TRMT11: variants seen among roughly 807,000 people sequenced by gnomAD.
TRMT11 encodes tRNA methyltransferase 11.
Under a neutral mutation model 62.8 loss-of-function variants are expected in TRMT11, and 53 were observed. The observed-to-expected ratio is 0.84, with a 90% confidence interval of 0.68 to 1.06. The LOEUF is 1.06. Among genes scored for constraint, TRMT11 ranks in the 50% least tolerant of loss-of-function variants. The probability of loss-of-function intolerance (pLI) is 0.00; values close to 1 mark genes in which losing one functional copy is unlikely to be tolerated. For missense variants in TRMT11, 556 were observed against 553.4 expected (o/e 1.00, Z -0.05); for synonymous variants, 188 against 190.3 (o/e 0.99, Z 0.10).
intron 21 of TRMT11, among the ~76,000 whole-genome samples, chr6:126,146,690 G>A (rs1417979305): frequency 1.3e-5 from 2 of 151,980 alleles, no homozygotes; most frequent in Non-Finnish European, 2.9e-5. Context: ...CTAATTTCTT[G>A]TATTTTTAGT....
At chr6:126,258,686 T>C in the TRMT11 span, among the ~76,000 whole-genome samples, 1 of 152,244 alleles carries the variant, frequency 6.6e-6, no homozygotes, top group Non-Finnish European at 1.5e-5. Context: ...AATAATTCCT[T>C]ATGTGTCTTT....
intron 17 of TRMT11, among the ~76,000 whole-genome samples, chr6:126,055,308 A>G (rs1282262014): frequency 3.3e-5 from 5 of 152,172 alleles, no homozygotes; most frequent in Non-Finnish European, 7.3e-5. Flanking sequence ...GATGAGAGGA[A>G]GGACAGCATG....
intron 17 of TRMT11, among the ~76,000 whole-genome samples, chr6:126,089,724 G>C (rs541082093): frequency 7.2e-5 from 11 of 152,320 alleles, no homozygotes; most frequent in African/African-American, 2.6e-4. Context: ...CTTAATTTAA[G>C]TTCAACTGTA....
chr6:126,117,423 T>C (rs924933866), intron 21 of TRMT11, among the ~76,000 whole-genome samples: 1 of 152,108 alleles, frequency 6.6e-6, no homozygotes. Context: ...TCTCTCTGTG[T>C]GTCAGAAAGA....
At chr6:126,186,706 T>A (rs191222627) in intron 1 of TRMT11, among the ~76,000 whole-genome samples, 13 of 152,198 alleles carry the variant, frequency 8.5e-5, no homozygotes, top group Admixed American at 2.6e-4. Flanking sequence ...TCCGCATAGA[T>A]CTTTGTAATG....
intron 21 of TRMT11, among the ~76,000 whole-genome samples, chr6:126,124,956 C>G (rs917205549): frequency 2.3e-4 from 35 of 152,160 alleles, no homozygotes; most frequent in African/African-American, 7.7e-4. Flanking sequence ...TTTGCCCAGA[C>G]TGGGGAGAAG....
intron 21 of TRMT11, among the ~76,000 whole-genome samples, chr6:126,169,425 A>G (rs759870494): frequency 8.5e-5 from 13 of 152,338 alleles, no homozygotes; most frequent in Non-Finnish European, 1.6e-4. Context: ...TTGGGCAACA[A>G]TGGTGCTTAG....
chr6:126,023,109 A>T (rs2127997716), intron 12 of TRMT11, among the ~76,000 whole-genome samples: 1 of 152,324 alleles, frequency 6.6e-6, no homozygotes, highest in Admixed American at 6.5e-5. Flanking sequence ...CAGACTAATT[A>T]TTTAAAGTCG....
chr6:126,008,177 G>T (rs552396715), intron 7 of TRMT11, among the ~76,000 whole-genome samples: 1 of 152,096 alleles, frequency 6.6e-6, no homozygotes, highest in South Asian at 2.1e-4. Context: ...AATGATGCCA[G>T]GGTATACATT....
At chr6:126,195,331 C>G (rs1343922214) in intron 1 of TRMT11, among the ~76,000 whole-genome samples, 1 of 152,132 alleles carries the variant, frequency 6.6e-6, no homozygotes, top group Admixed American at 6.5e-5. Flanking sequence ...TGAATATAAT[C>G]TCTGCTTGTC....
chr6:125,994,594 G>GA (rs1367096708), intron 2 of TRMT11, among the ~76,000 whole-genome samples: 1 of 151,192 alleles, frequency 6.6e-6, no homozygotes, highest in Non-Finnish European at 1.5e-5. Flanking sequence ...AATATTGGAA[G>GA]AAAAAAAACG....
chr6:126,218,096 G>A, the TRMT11 span, among the ~76,000 whole-genome samples: 2 of 152,160 alleles, frequency 1.3e-5, no homozygotes, highest in South Asian at 4.1e-4. Context: ...CAGTCAACAC[G>A]AGATGAGTAC....
chr6:126,166,665 A>C (rs561708349), intron 21 of TRMT11, among the ~76,000 whole-genome samples: 1 of 152,226 alleles, frequency 6.6e-6, no homozygotes, highest in Non-Finnish European at 1.5e-5. Context: ...TGCTCTCTTC[A>C]GAGCCAGCAG....
intron 21 of TRMT11, among the ~76,000 whole-genome samples, chr6:126,142,728 T>C (rs778971308): frequency 6.6e-6 from 1 of 152,104 alleles, no homozygotes; most frequent in Non-Finnish European, 1.5e-5. Flanking sequence ...AGAACTTTAA[T>C]GTCTATTAAT....
chr6:126,003,325 G>A (rs1792824333), intron 7 of TRMT11, among the ~76,000 whole-genome samples: 1 of 152,040 alleles, frequency 6.6e-6, no homozygotes, highest in East Asian at 1.9e-4. Flanking sequence ...TTTATGTACA[G>A]CCCAAGACAA....
intron 1 of TRMT11, chr6:125,987,247 G>C (rs963527832): frequency 3.3e-5 from 5 of 152,126 alleles, no homozygotes; most frequent in African/African-American, 1.2e-4. Context: ...CACGTGGAAG[G>C]GAAATCTAAT....
At chr6:126,138,260 AT>A (rs1777875775) in intron 21 of TRMT11, among the ~76,000 whole-genome samples, 1 of 151,994 alleles carries the variant, frequency 6.6e-6, no homozygotes, top group South Asian at 2.1e-4. Context: ...TAAAAATACA[AT>A]AAAAGTGTGT....
At chr6:126,096,931 G>A (rs1222583311) in intron 17 of TRMT11, among the ~76,000 whole-genome samples, 1 of 152,172 alleles carries the variant, frequency 6.6e-6, no homozygotes, top group Admixed American at 6.5e-5. Context: ...TTGGAGAACA[G>A]AATTTAAGGC....
the TRMT11 span, among the ~76,000 whole-genome samples, chr6:126,265,174 A>G: frequency 7.2e-5 from 11 of 152,298 alleles, no homozygotes; most frequent in East Asian, 2.1e-3. Flanking sequence ...TTACACATGA[A>G]TAAGACACAA....
Sources: gnomAD v4.1 joint callset for allele counts (sites outside exome capture counted in the v4.1 genomes callset) on GRCh38, gnomAD v4.1.1 for gene constraint, MANE v1.5 for transcripts, NCBI Gene and HGNC (gene_info 2026-07-23, HGNC 2026-07-21) for gene names.